Variants in ZFHX3 observed in about 807,000 individuals in gnomAD.
The protein encoded by ZFHX3 is zinc finger homeobox 3.
ZFHX3 carries 42 observed loss-of-function variants against 279.1 expected under a neutral mutation model. That is an observed-to-expected ratio of 0.15 (90% CI 0.12 to 0.19). The LOEUF (loss-of-function observed/expected upper bound fraction) is 0.19, where lower values mean the gene tolerates loss of function less well. ZFHX3 is among the 10% of genes least tolerant of loss of function. ZFHX3 has a pLI of 1.00. For synonymous variants in ZFHX3, 2,293 were observed against 1,957.8 expected (o/e 1.17, Z -4.52); for missense variants, 4,981 against 4,754.0 (o/e 1.05, Z -1.40).
At chr16:73,148,159 C>G (rs1203341186) in intron 5 of ZFHX3, among the ~76,000 whole-genome samples, 1 of 152,196 alleles carries the variant, frequency 6.6e-6, no homozygotes, top group African/African-American at 2.4e-5. Context: ...TTCTGCACCA[C>G]GACAGCAGAG....
At chr16:73,273,250 G>A (rs973474711) in intron 4 of ZFHX3, among the ~76,000 whole-genome samples, 1 of 152,014 alleles carries the variant, frequency 6.6e-6, no homozygotes, top group South Asian at 2.1e-4. Context: ...TAGATATAAG[G>A]GCTATGGATC....
intron 3 of ZFHX3, among the ~76,000 whole-genome samples, chr16:73,386,415 A>AT (rs1018044245): frequency 6.6e-6 from 1 of 152,118 alleles, no homozygotes; most frequent in African/African-American, 2.4e-5. Context: ...CCGTTTGCTT[A>AT]TTTTTTTAAA....
chr16:73,223,162 G>T (rs574216471), intron 5 of ZFHX3, among the ~76,000 whole-genome samples: 5 of 152,042 alleles, frequency 3.3e-5, no homozygotes, highest in Admixed American at 2.6e-4. Flanking sequence ...TGGGTTTGGC[G>T]ATGACTTTTT....
chr16:73,097,013 C>G (rs1966172121), intron 7 of ZFHX3, among the ~76,000 whole-genome samples: 1 of 151,872 alleles, frequency 6.6e-6, no homozygotes, highest in Admixed American at 6.6e-5. Flanking sequence ...CATCTCATCT[C>G]ATCTCTTCTC....
chr16:73,153,957 G>A (rs920199782), intron 5 of ZFHX3, among the ~76,000 whole-genome samples: 1 of 152,088 alleles, frequency 6.6e-6, no homozygotes, highest in South Asian at 2.1e-4. Context: ...GCCCGCCCCA[G>A]CCTCCCAAAG....
intron 4 of ZFHX3, among the ~76,000 whole-genome samples, chr16:73,261,380 T>C (rs2144968421): frequency 1.3e-5 from 2 of 152,208 alleles, no homozygotes; most frequent in South Asian, 4.2e-4. Flanking sequence ...CCAAAAACAT[T>C]GACTGTGGGG....
chr16:73,159,724 C>G (rs1332092476), intron 5 of ZFHX3, among the ~76,000 whole-genome samples: 1 of 152,060 alleles, frequency 6.6e-6, no homozygotes, highest in East Asian at 1.9e-4. Context: ...AAGCCATAAC[C>G]AAAGTTGTTA....
At chr16:73,777,728 T>C (rs1959305786) in intron 1 of ZFHX3, among the ~76,000 whole-genome samples, 2 of 152,134 alleles carry the variant, frequency 1.3e-5, no homozygotes, top group Admixed American at 6.6e-5. Context: ...CAGTACCTCA[T>C]CTAATCCTCA....
chr16:73,453,297 G>C (rs980256547), intron 3 of ZFHX3, among the ~76,000 whole-genome samples: 10 of 152,184 alleles, frequency 6.6e-5, no homozygotes, highest in Non-Finnish European at 1.2e-4. Flanking sequence ...CCATCCCCCT[G>C]AATCTGAACT....
Position 72,811,783 on chromosome 16 carries a change from G to A in ZFHX3, c.3664-6C>T, listed in dbSNP as rs56991537. The A allele has an allele frequency of 0.015, 24,338 of 1,611,844 alleles. 2,915 individuals are homozygous for A. The African/African-American group carries it at 0.27, about 18-fold the overall frequency. On this transcript the variant is annotated splice_region_variant and splice_polypyrimidine_tract_variant and intron_variant, in intron 6 of 9. Transcript: ENST00000268489. ...CAGTAGGGACACTGGTACATCTGTGGGGAACACACCCACTGCTTTGAGCAA... is the reference window on the plus strand; with the variant it reads ...CAGTAGGGACACTGGTACATCTGTGAGGAACACACCCACTGCTTTGAGCAA...
At chr16:73,843,443 C>T (rs554424178) in intron 1 of ZFHX3, among the ~76,000 whole-genome samples, 19 of 152,276 alleles carry the variant, frequency 1.2e-4, no homozygotes, top group East Asian at 3.9e-4. Flanking sequence ...ACTGAGGAAA[C>T]GGATTGTGTC....
chr16:72,856,106 C>G (rs368471145), intron 4 of ZFHX3, among the ~76,000 whole-genome samples: 1 of 152,168 alleles, frequency 6.6e-6, no homozygotes, highest in African/African-American at 2.4e-5. Context: ...ACTTCACCAG[C>G]GCCTTGGGGT....
At chr16:73,395,296 T>C (rs2017104661) in intron 3 of ZFHX3, among the ~76,000 whole-genome samples, 1 of 152,150 alleles carries the variant, frequency 6.6e-6, no homozygotes, top group African/African-American at 2.4e-5. Flanking sequence ...AAACCCTGTC[T>C]CTACTAAAAA....
At chr16:73,641,266 A>T (rs937971037) in intron 2 of ZFHX3, among the ~76,000 whole-genome samples, 1 of 152,176 alleles carries the variant, frequency 6.6e-6, no homozygotes, top group African/African-American at 2.4e-5. Context: ...AATAAAAAAA[A>T]CTTCAGGAAA....
Position 72,925,512 on chromosome 16 carries a change from C to T in ZFHX3, c.3216+24957G>A, listed in dbSNP as rs188419295. Among the ~76,000 whole-genome samples, 22 of 152,346 alleles carry T rather than the reference C, an allele frequency of 1.4e-4. No individual in the cohort carries two copies. In the East Asian group the frequency reaches 3.9e-3, roughly 27 times the overall value. The stretch of plus-strand genomic sequence containing the variant: ...CCAACCACCGCAGCAATGCTGCATA[C>T]GCACGCTGTGGGGTCAAGGACAGGT... On this transcript the variant is annotated intron_variant, in intron 3 of 9. Transcript: ENST00000268489.
At chr16:73,190,017 C>T (rs1388847485) in intron 5 of ZFHX3, among the ~76,000 whole-genome samples, 13 of 152,220 alleles carry the variant, frequency 8.5e-5, no homozygotes, top group African/African-American at 2.7e-4. Context: ...ACCAACATCT[C>T]ACATCCACTC....
intron 1 of ZFHX3, among the ~76,000 whole-genome samples, chr16:73,745,737 T>C (rs381227): frequency 0.77 from 117,498 of 152,102 alleles, 45,914 homozygotes; most frequent in East Asian, 0.95. Context: ...GTCTAAATTA[T>C]TGTCTTCCTG....
At chr16:73,787,375 C>A (rs12102676) in intron 1 of ZFHX3, among the ~76,000 whole-genome samples, 38,948 of 151,988 alleles carry the variant, frequency 0.26, 5,293 homozygotes, top group South Asian at 0.39. Context: ...GGTGCAAGCA[C>A]GGATCAACCT....
At chr16:73,332,133 G>C (rs1018367612) in intron 3 of ZFHX3, among the ~76,000 whole-genome samples, 1 of 152,146 alleles carries the variant, frequency 6.6e-6, no homozygotes, top group African/African-American at 2.4e-5. Context: ...GGAAGGGCTG[G>C]CTGGGACACA....
Sources: allele counts gnomAD v4.1 joint callset (sites outside exome capture counted in the v4.1 genomes callset), GRCh38; gene constraint gnomAD v4.1.1; transcripts MANE v1.5; gene names NCBI Gene and HGNC (gene_info 2026-07-23, HGNC 2026-07-21).